Variants in TSPAN32 observed in about 807,000 individuals in gnomAD.
TSPAN32 encodes tetraspanin 32.
In TSPAN32, 47 loss-of-function variants were observed where a neutral mutation model predicts 42.7. The ratio of observed to expected loss-of-function variants is 1.10; its 90% CI spans 0.87 to 1.40. The LOEUF is 1.40. TSPAN32 is among the 40% of genes most tolerant of loss of function. TSPAN32 has a pLI of 0.00. For synonymous variants in TSPAN32, 175 were observed against 175.9 expected, an observed-to-expected ratio of 0.99 and a Z score of 0.04; for missense variants, 469 against 424.1, an observed-to-expected ratio of 1.11 and a Z score of -0.93.
At chr11:2,314,611 G>C (rs762596554) in intron 6 of TSPAN32, 40 bp downstream of exon 6, 2 of 1,537,716 alleles carry the variant, frequency 1.3e-6, no homozygotes, top group Admixed American at 1.9e-5. Flanking sequence ...CAAGACCCTC[G>C]GGGGCTGGAC....
Position 2,317,406 on chromosome 11 carries a change from A to G in TSPAN32, c.782A>G (p.His261Arg), listed in dbSNP as rs1848865246. Residue 261 changes from histidine (H) to arginine (R), a missense_variant, in exon 9 of 10, where the codon CAT becomes CGT. Coordinates refer to ENST00000182290, the MANE Select transcript of TSPAN32 (RefSeq NM_139022.3). This position sits in a 1 kb window ranked among gnomAD's most constrained non-coding sequence, Gnocchi z 6.2. ...AGATGCTCCCAGGGTGGACCCACAC[A>G]TTGTCTCCACTCCGAAGCAGTTGCT... Reference protein sequence around the residue: ...LLRCSQGGPTHCLHSEAVAIG... With the variant: ...LLRCSQGGPTRCLHSEAVAIG... 6.2e-7 allele frequency: 1 copy of G among 1,601,654 alleles called. No homozygotes were observed. The highest frequency in any genetic ancestry group is 8.5e-7 in the Non-Finnish European group (1 of 1,174,170).
In TSPAN32 at chr11:2,308,750, C is replaced by G; in HGVS notation, c.294C>G (p.Phe98Leu). 1 of 1,573,198 alleles carries G rather than the reference C, an allele frequency of 6.4e-7. No homozygotes were observed. The highest frequency in any genetic ancestry group is 8.6e-7 in the Non-Finnish European group (1 of 1,159,516). Residue 98 changes from phenylalanine (F) to leucine (L), a missense_variant, in exon 4 of 10, where the codon TTC becomes TTG. Phe to Leu is a conservative substitution (Grantham distance 22). Coordinates refer to ENST00000182290, the MANE Select transcript of TSPAN32 (RefSeq NM_139022.3). ...QGLMAGGFLC[F>L]SLAFCAQVQV... Reference sequence around the variant, plus strand: ...TCTGCCCCCAGGGCTTCCTGTGCTTCTCCCTGGCGTTCTGCGCACAGGTGC... The same window carrying G: ...TCTGCCCCCAGGGCTTCCTGTGCTTGTCCCTGGCGTTCTGCGCACAGGTGC...
At chr11:2,303,961 C>T (rs1050877812) in intron 2 of TSPAN32, 146 bp from the exon 3 acceptor site, 18 of 611,750 alleles carry the variant, frequency 2.9e-5, no homozygotes, top group South Asian at 1.2e-4. Flanking sequence ...CCCTCAGGGC[C>T]GTCTGATGGA....
chr11:2,314,280 G>A (rs917469950), intron 5 of TSPAN32, among the ~76,000 whole-genome samples: 2 of 152,170 alleles, frequency 1.3e-5, no homozygotes, highest in Non-Finnish European at 1.5e-5. Flanking sequence ...GGCAGGCAGC[G>A]CAGCTTGAGA....
intron 3 of TSPAN32, among the ~76,000 whole-genome samples, chr11:2,306,029 T>C (rs1325451956): frequency 1.3e-5 from 2 of 148,658 alleles, no homozygotes; most frequent in South Asian, 2.1e-4. Context: ...CATGTGTGTG[T>C]GCGTGTGCAG....
At chr11:2,315,744 C>T in intron 6 of TSPAN32, 2 of 1,239,740 alleles carry the variant, frequency 1.6e-6, no homozygotes, top group East Asian at 5.6e-5. Context: ...GGTGCCATGC[C>T]CTGGGGTGGC....
Position 2,313,894 on chromosome 11 carries a change from A to G in TSPAN32, c.456+139A>G. On this transcript the variant is annotated intron_variant, in intron 5 of 9. Transcript: ENST00000182290. The surrounding 1 kb of genome is among the most constrained non-coding windows in gnomAD (Gnocchi z 9.1). ...AGGACACAGGCCAGAGTTGCCCCTCAGGGCTGGGGGCAAAAAGCTCCCACC... is the reference window on the plus strand; with the variant it reads ...AGGACACAGGCCAGAGTTGCCCCTCGGGGCTGGGGGCAAAAAGCTCCCACC... 2.8e-6 allele frequency: 2 copies of G among 706,776 alleles called. No individual in the cohort carries two copies. Among genetic ancestry groups the G allele is most frequent in the Non-Finnish European group, 4.6e-6 (2 of 430,580 alleles). The allele number at this position is 706,776 out of a possible 1,614,324, so 43.8% of individuals were successfully genotyped here. A position where few individuals can be genotyped will look rare whatever the true frequency, so the allele number is the denominator to read the frequency against.
chr11:2,312,939 C>A (rs370415186), intron 4 of TSPAN32, among the ~76,000 whole-genome samples: 2 of 152,096 alleles, frequency 1.3e-5, no homozygotes, highest in African/African-American at 4.8e-5. Flanking sequence ...CTGTAGGAGG[C>A]GAGATTCCAG....
chr11:2,315,731 C>T, intron 6 of TSPAN32: 4 of 1,221,656 alleles, frequency 3.3e-6, no homozygotes, highest in Non-Finnish European at 4.2e-6. Flanking sequence ...AAAGATGCCT[C>T]TGGGTGCCAT....
At chr11:2,307,646 G>T (rs531003447) in intron 3 of TSPAN32, among the ~76,000 whole-genome samples, 1 of 152,170 alleles carries the variant, frequency 6.6e-6, no homozygotes, top group Admixed American at 6.5e-5. Flanking sequence ...GGGGTCTCTC[G>T]TGTTCCTTAG....
At chr11:2,312,594 G>A (rs1340464294) in intron 4 of TSPAN32, among the ~76,000 whole-genome samples, 2 of 152,224 alleles carry the variant, frequency 1.3e-5, no homozygotes, top group Admixed American at 6.5e-5. Context: ...AGGGCTGACC[G>A]AGAGCCTCCA....
At position 2,313,726 on chromosome 11, in the gene TSPAN32, C is replaced by G; in HGVS notation, c.427C>G (p.Arg143Gly). ...GATGAAAGGTACGTCCCACGTCCGG[C>G]GGCAGGAGCTGGCGGCCATCCAGGA... ...QAMKGTSHVR[R>G]QELAAIQDVF... The change falls in exon 5 of 10, where the codon CGG becomes GGG. Residue 143 changes from arginine (R) to glycine (G), a missense_variant. Arg to Gly is a moderately radical substitution (Grantham distance 125). Coordinates refer to ENST00000182290, the MANE Select transcript of TSPAN32 (RefSeq NM_139022.3). This position sits in a 1 kb window ranked among gnomAD's most constrained non-coding sequence, Gnocchi z 9.1. The G allele has an allele frequency of 6.2e-7, 1 of 1,605,842 alleles. No individual in the cohort carries two copies. The highest frequency in any genetic ancestry group is 8.5e-7 in the Non-Finnish European group (1 of 1,177,594).
intron 4 of TSPAN32, among the ~76,000 whole-genome samples, chr11:2,310,671 A>G (rs1249892779): frequency 1.3e-5 from 2 of 152,232 alleles, no homozygotes; most frequent in African/African-American, 2.4e-5. Context: ...CCTGGGCCTC[A>G]GTTTCCTTTT....
At chr11:2,309,397 G>C (rs1347266111) in intron 4 of TSPAN32, 1 of 467,418 alleles carries the variant, frequency 2.1e-6, no homozygotes, top group East Asian at 7.0e-5. Context: ...GGGGCCAAGG[G>C]CGTCCCCGTG....
rs1848585019 is a variant in TSPAN32 at position 2,313,410 on chromosome 11, G to A, written c.355-244G>A. Among the ~76,000 whole-genome samples, 1 of 152,220 alleles carries A rather than the reference G, an allele frequency of 6.6e-6. No homozygotes were observed. The highest frequency in any genetic ancestry group is 2.4e-5 in the African/African-American group (1 of 41,454). On this transcript the variant is annotated intron_variant, in intron 4 of 9. Coordinates refer to ENST00000182290, the MANE Select transcript of TSPAN32 (RefSeq NM_139022.3). This position sits in a 1 kb window ranked among gnomAD's most constrained non-coding sequence, Gnocchi z 9.1. ...CTGCTTTATCCTGCGGGACCCTCTG[G>A]GGGCAGGAGGGCCACTCTGACGGCC...
rs976208167 is a variant in TSPAN32, at chr11:2,310,718, G to A, written c.354+1908G>A. On this transcript the variant is annotated intron_variant, in intron 4 of 9. Transcript: ENST00000182290. Reference sequence around the variant, plus strand: ...GCACCAAGATCCAGGGGCTGCATGGGTGGGAATGGCCAGGTGTGTGCAAAG... The same window carrying A: ...GCACCAAGATCCAGGGGCTGCATGGATGGGAATGGCCAGGTGTGTGCAAAG... Among the ~76,000 whole-genome samples, 5 of 152,258 alleles carry A rather than the reference G, an allele frequency of 3.3e-5. No homozygotes were observed. The East Asian group carries it at 9.6e-4, about 29-fold the overall frequency.
chr11:2,315,351 T>G (rs1210728413), intron 6 of TSPAN32: 1 of 1,159,704 alleles, frequency 8.6e-7, no homozygotes, highest in Non-Finnish European at 1.1e-6. Context: ...GCAGAAGGGC[T>G]GGCGCTGAGG....
At chr11:2,316,439 C>T (rs1848800153) in intron 7 of TSPAN32, 127 bp downstream of exon 7, 1 of 1,550,792 alleles carries the variant, frequency 6.4e-7, no homozygotes, top group South Asian at 1.2e-5. Flanking sequence ...CTGCCAACCT[C>T]AGGGAGCTGC....
At chr11:2,316,509 G>A (rs763725821) in intron 7 of TSPAN32, 67 bp from the exon 8 acceptor site, 1 of 1,608,346 alleles carries the variant, frequency 6.2e-7, no homozygotes, top group East Asian at 2.2e-5. Context: ...GCAGAGTCCT[G>A]ATGCTTCCTG....
Sources: gnomAD v4.1 joint callset for allele counts (sites outside exome capture counted in the v4.1 genomes callset) on GRCh38, gnomAD v4.1.1 for gene constraint, Gnocchi (gnomAD v3.1) non-coding constraint, MANE v1.5 for transcripts, NCBI Gene and HGNC (gene_info 2026-07-23, HGNC 2026-07-21) for gene names.